The following ATAD2B variants were observed in gnomAD, a reference collection of about 807,000 sequenced individuals.
ATAD2B encodes the protein ATPase family AAA domain containing 2B.
In ATAD2B, 40 loss-of-function variants were observed where a neutral mutation model predicts 167.6. That is an observed-to-expected ratio of 0.24 (90% CI 0.19 to 0.31). ATAD2B has a LOEUF of 0.31. Ranked by LOEUF, ATAD2B falls within the 10% of genes least tolerant of loss-of-function variation. The pLI is 1.00. For synonymous variants in ATAD2B, 579 were observed against 596.5 expected, an observed-to-expected ratio of 0.97 and a Z score of 0.43; for missense variants, 1,242 against 1,757.2, an observed-to-expected ratio of 0.71 and a Z score of 5.24.
Position 23,754,774 on chromosome 2 carries a change from C to T in ATAD2B, c.4079G>A (p.Gly1360Asp). ...ACGGTATTTCTTTACTTTAGAAGCA[C>T]CTATAATTGAGACAAAAAAATACAC... ...EVKDAELDKEGASKVKKYRKL... is the reference protein window; with the variant it reads ...EVKDAELDKEDASKVKKYRKL... The change falls in exon 26 of 28, where the codon GGT becomes GAT. Residue 1360 changes from glycine (G) to aspartate (D), a missense_variant and splice_region_variant. Physicochemically the swap from Gly to Asp is moderately conservative, Grantham distance 94. Around this residue, in one of 9 missense-constraint regions of ATAD2B, gnomAD observed 282 missense variants for 346.8 expected, o/e 0.81. Coordinates refer to ENST00000238789, the MANE Select transcript of ATAD2B (RefSeq NM_017552.4). 1.2e-6 allele frequency: 2 copies of T among 1,608,602 alleles called. No homozygotes were observed. Among genetic ancestry groups the T allele is most frequent in the Non-Finnish European group, 1.7e-6 (2 of 1,177,752 alleles).
intron 18 of ATAD2B, among the ~76,000 whole-genome samples, chr2:23,799,374 A>G (rs906816468): frequency 1.3e-5 from 2 of 151,982 alleles, no homozygotes; most frequent in African/African-American, 4.8e-5. Flanking sequence ...GGAGTTCAAG[A>G]CCAGCCTGTC....
chr2:23,784,697 G>A (rs1680549131), intron 21 of ATAD2B, among the ~76,000 whole-genome samples: 1 of 151,802 alleles, frequency 6.6e-6, no homozygotes. Context: ...TGGAAGAAAG[G>A]GCACACACAC....
chr2:23,888,816 C>A (rs536510248), intron 2 of ATAD2B, among the ~76,000 whole-genome samples: 1 of 152,192 alleles, frequency 6.6e-6, no homozygotes, highest in East Asian at 1.9e-4. Flanking sequence ...GCTTGAATAC[C>A]AATATCATTT....
intron 18 of ATAD2B, among the ~76,000 whole-genome samples, chr2:23,805,117 T>C (rs1684156796): frequency 6.8e-6 from 1 of 147,882 alleles, no homozygotes; most frequent in Non-Finnish European, 1.5e-5. Context: ...TACTCCAGCC[T>C]GGACAACAAG....
At chr2:23,824,935 C>A (rs72782137) in intron 15 of ATAD2B, among the ~76,000 whole-genome samples, 1 of 151,784 alleles carries the variant, frequency 6.6e-6, no homozygotes. Flanking sequence ...ACAAACAATA[C>A]CAGGTTTATT....
At chr2:23,865,665 T>A (rs944527214) in intron 10 of ATAD2B, among the ~76,000 whole-genome samples, 1 of 152,218 alleles carries the variant, frequency 6.6e-6, no homozygotes, top group African/African-American at 2.4e-5. Flanking sequence ...TCTTAGCTAT[T>A]TACAATAGTT....
At chr2:23,685,997 GGC>G in the ATAD2B span, among the ~76,000 whole-genome samples, 40 of 152,344 alleles carry the variant, frequency 2.6e-4, no homozygotes, top group African/African-American at 8.9e-4. Context: ...GCCCTCGGAT[GGC>G]TTTCAGAGAC....
chr2:23,728,604 T>G, the ATAD2B span, among the ~76,000 whole-genome samples: 12 of 152,308 alleles, frequency 7.9e-5, no homozygotes, highest in East Asian at 2.3e-3. Flanking sequence ...AAAGGGAGAT[T>G]AAGCCAACTA....
chr2:23,827,616 G>T (rs915116101), intron 15 of ATAD2B, among the ~76,000 whole-genome samples: 4 of 152,060 alleles, frequency 2.6e-5, no homozygotes, highest in African/African-American at 9.7e-5. Context: ...AATAAAAGGG[G>T]TCTATTTTCA....
chr2:23,861,971 C>A (rs1044131054), intron 12 of ATAD2B, among the ~76,000 whole-genome samples: 1 of 152,132 alleles, frequency 6.6e-6, no homozygotes, highest in Non-Finnish European at 1.5e-5. Context: ...GAGGCCAAGG[C>A]GGGAGGATAG....
intron 22 of ATAD2B, among the ~76,000 whole-genome samples, chr2:23,768,787 TTA>T (rs1677847941): frequency 6.6e-6 from 1 of 152,210 alleles, no homozygotes; most frequent in Non-Finnish European, 1.5e-5. Flanking sequence ...CTCAGCATAA[TTA>T]TTTAAGCATA....
At chr2:23,803,816 C>A (rs1249900675) in intron 18 of ATAD2B, among the ~76,000 whole-genome samples, 1 of 152,150 alleles carries the variant, frequency 6.6e-6, no homozygotes, top group Non-Finnish European at 1.5e-5. Flanking sequence ...ATACATACAG[C>A]CCTTTAAAAG....
At chr2:23,706,830 C>T in the ATAD2B span, 1 of 554,942 alleles carries the variant, frequency 1.8e-6, no homozygotes, top group Non-Finnish European at 3.0e-6. Context: ...GAAAATCATC[C>T]TCGCCTTTGG....
At chr2:23,898,500 T>A (rs1317356127) in intron 1 of ATAD2B, among the ~76,000 whole-genome samples, 2 of 152,242 alleles carry the variant, frequency 1.3e-5, no homozygotes, top group Non-Finnish European at 2.9e-5. Context: ...ACCTCACACG[T>A]ACTGATTGAT....
the ATAD2B span, among the ~76,000 whole-genome samples, chr2:23,698,548 T>G: frequency 1.4e-5 from 2 of 141,906 alleles, no homozygotes; most frequent in Non-Finnish European, 3.1e-5. Flanking sequence ...TGATAATGAA[T>G]GAGATATATG....
intron 14 of ATAD2B, among the ~76,000 whole-genome samples, chr2:23,831,256 A>T (rs1274496603): frequency 6.6e-6 from 1 of 152,214 alleles, no homozygotes; most frequent in Non-Finnish European, 1.5e-5. Flanking sequence ...ACTTACAACA[A>T]TCATAAAAAT....
chr2:23,776,365 A>G (rs1432797864), intron 22 of ATAD2B, among the ~76,000 whole-genome samples: 1 of 152,206 alleles, frequency 6.6e-6, no homozygotes, highest in Non-Finnish European at 1.5e-5. Flanking sequence ...TTAAATCTTA[A>G]CTGATGTTCC....
chr2:23,921,630 C>T (rs551241034), intron 1 of ATAD2B, among the ~76,000 whole-genome samples: 91 of 152,232 alleles, frequency 6.0e-4, no homozygotes, highest in South Asian at 3.3e-3. Flanking sequence ...CAACAGAATG[C>T]GTGTATATCT....
At chr2:23,759,831 A>G (rs1227861421) in intron 24 of ATAD2B, among the ~76,000 whole-genome samples, 1 of 152,232 alleles carries the variant, frequency 6.6e-6, no homozygotes, top group Non-Finnish European at 1.5e-5. Flanking sequence ...TAAACATCCC[A>G]TTAGCTATAA....
Sources: allele counts gnomAD v4.1 joint callset (sites outside exome capture counted in the v4.1 genomes callset), GRCh38; gene constraint gnomAD v4.1.1; regional missense constraint gnomAD v4.1.1; transcripts MANE v1.5; gene names NCBI Gene and HGNC (gene_info 2026-07-23, HGNC 2026-07-21).